The following TMED8 variants were observed in gnomAD, a reference collection of about 807,000 sequenced individuals.
TMED8 encodes the protein transmembrane p24 trafficking protein family member 8.
TMED8 carries 15 observed loss-of-function variants against 32.7 expected under a neutral mutation model. The ratio of observed to expected loss-of-function variants is 0.46; its 90% CI spans 0.31 to 0.71. TMED8 has a LOEUF of 0.71. Among genes scored for constraint, TMED8 ranks in the 30% least tolerant of loss-of-function variants. The pLI is 0.06. For synonymous variants in TMED8, 147 were observed against 161.4 expected (o/e 0.91, Z 0.68); for missense variants, 390 against 423.9 (o/e 0.92, Z 0.70).
rs563432210 is a variant in TMED8 at position 77,339,746 on chromosome 14, T to C, written c.*2025A>G. ...ATATAAATGTTGGCCAGTGTAATCCTCTACAAAACACATTTGCAAATATAA... is the reference window on the plus strand; with the variant it reads ...ATATAAATGTTGGCCAGTGTAATCCCCTACAAAACACATTTGCAAATATAA... On this transcript the variant is annotated 3_prime_UTR_variant, in exon 6 of 6. Transcript: ENST00000216468. The C allele has an allele frequency of 6.6e-5, 10 of 152,218 alleles. No homozygotes were observed. Among genetic ancestry groups the C allele is most frequent in the Non-Finnish European group, 1.3e-4 (9 of 68,046 alleles). 9.4% of individuals were successfully genotyped at this position (152,218 alleles called of 1,614,324 possible).
intron 1 of TMED8, among the ~76,000 whole-genome samples, chr14:77,373,001 T>C (rs1263575426): frequency 5.0e-5 from 6 of 120,846 alleles, no homozygotes. Flanking sequence ...CGTCTCCCTC[T>C]GTCGCCCAGG....
chr14:77,366,580 C>A (rs1192164160), intron 1 of TMED8, among the ~76,000 whole-genome samples: 1 of 152,144 alleles, frequency 6.6e-6, no homozygotes, highest in Non-Finnish European at 1.5e-5. Flanking sequence ...AGAACTCTGA[C>A]AAAAATTCCT....
chr14:77,360,254 G>A (rs1893401725), intron 1 of TMED8, among the ~76,000 whole-genome samples: 2 of 151,982 alleles, frequency 1.3e-5, no homozygotes, highest in South Asian at 4.1e-4. Flanking sequence ...ATTAACCATA[G>A]TTCTCATATT....
At chr14:77,373,276 AAT>A (rs971194148) in intron 1 of TMED8, among the ~76,000 whole-genome samples, 5 of 151,538 alleles carry the variant, frequency 3.3e-5, no homozygotes, top group African/African-American at 1.2e-4. Context: ...TCAGGATCAC[AAT>A]AGAGTTTTAT....
intron 1 of TMED8, among the ~76,000 whole-genome samples, chr14:77,370,246 A>G (rs1893647540): frequency 1.3e-5 from 2 of 152,098 alleles, no homozygotes; most frequent in African/African-American, 4.8e-5. Flanking sequence ...TACTATGTCT[A>G]TCCCCCTTTG....
rs146656597 is a variant in TMED8, at chr14:77,361,277, C to A, written c.119-9526G>T. Among the ~76,000 whole-genome samples the A allele has an allele frequency of 2.0e-5, 3 of 152,234 alleles. No individual in the cohort carries two copies. The East Asian group carries it at 5.8e-4, about 29-fold the overall frequency. ...GATTACAGGCATGAGCCACCACGCC[C>A]GGCCCATTTCCATTCTTTTGCATGT... On this transcript the variant is annotated intron_variant, in intron 1 of 5. Transcript: ENST00000216468.
intron 1 of TMED8, among the ~76,000 whole-genome samples, chr14:77,367,941 T>C (rs1415556751): frequency 6.6e-6 from 1 of 152,182 alleles, no homozygotes; most frequent in Non-Finnish European, 1.5e-5. Context: ...TGATCCGCCT[T>C]CCTCAGCCTC....
chr14:77,356,270 AG>A (rs1893290859), intron 1 of TMED8, among the ~76,000 whole-genome samples: 1 of 152,260 alleles, frequency 6.6e-6, no homozygotes, highest in Non-Finnish European at 1.5e-5. Flanking sequence ...GTGAATTATT[AG>A]TACTTTAGAA....
rs1892809954 is a variant in TMED8, at chr14:77,338,177, A to G, written c.*3594T>C. ...TTGTGGCAATAAAATACCAAATCCC[A>G]ACCTGACTCTGGTATAGCATCACAT... On this transcript the variant is annotated 3_prime_UTR_variant, in exon 6 of 6. Coordinates refer to ENST00000216468, the MANE Select transcript of TMED8 (RefSeq NM_213601.3). 1 of 152,154 alleles carries G rather than the reference A, an allele frequency of 6.6e-6. No homozygotes were observed. The highest frequency in any genetic ancestry group is 1.5e-5 in the Non-Finnish European group (1 of 68,032). 9.4% of individuals were successfully genotyped at this position (152,154 alleles called of 1,614,324 possible).
chr14:77,341,801 A>G lies in TMED8; in HGVS notation c.948T>C (p.Thr316=). ...TGGTGTAGTAGATGTGGAAGTAGAG[A>G]GTCTTGTTGCGCAGCAGGGAGTAGG... The part of the protein sequence containing the change: ...DNSYSLLRNK[T]LYFHIYYTS The change falls in exon 6 of 6, where the codon ACT becomes ACC. Residue 316 remains threonine (T), a synonymous_variant. Coordinates refer to ENST00000216468, the MANE Select transcript of TMED8 (RefSeq NM_213601.3). 6.2e-7 allele frequency: 1 copy of G among 1,613,918 alleles called. No individual in the cohort carries two copies. Among genetic ancestry groups the G allele is most frequent in the Non-Finnish European group, 8.5e-7 (1 of 1,180,000 alleles).
At chr14:77,348,663 A>G in intron 2 of TMED8, among the ~76,000 whole-genome samples, 1 of 152,218 alleles carries the variant, frequency 6.6e-6, no homozygotes, top group Non-Finnish European at 1.5e-5. Context: ...GGTTGAGTAA[A>G]TGACTGGAAA....
Position 77,336,451 on chromosome 14 carries a change from T to C in TMED8, c.*5320A>G, listed in dbSNP as rs1892761732. 6.6e-6 allele frequency: 1 copy of C among 152,186 alleles called. No individual in the cohort carries two copies. Among genetic ancestry groups the C allele is most frequent in the African/African-American group, 2.4e-5 (1 of 41,454 alleles). 9.4% of individuals were successfully genotyped at this position (152,186 alleles called of 1,614,324 possible). A position where few individuals can be genotyped will look rare whatever the true frequency, so the allele number is the denominator to read the frequency against. On this transcript the variant is annotated 3_prime_UTR_variant, in exon 6 of 6. Coordinates refer to ENST00000216468, the MANE Select transcript of TMED8 (RefSeq NM_213601.3). ...ATGCCTATTTGTAAATGAGCTCCAC[T>C]ATCATTGGTTTTAGGCAATAGTGTT...
intron 1 of TMED8, among the ~76,000 whole-genome samples, chr14:77,357,043 G>A (rs1893305555): frequency 6.6e-6 from 1 of 152,060 alleles, no homozygotes; most frequent in Non-Finnish European, 1.5e-5. Context: ...TTAAAATTCG[G>A]TCCACCCATC....
chr14:77,346,759 GGTTT>G (rs1893047001), intron 2 of TMED8, among the ~76,000 whole-genome samples: 1 of 58,128 alleles, frequency 1.7e-5, no homozygotes, highest in Non-Finnish European at 3.1e-5. Flanking sequence ...CTGCTGGTCT[GGTTT>G]TTTTTTTTTT....
chr14:77,345,965 T>A lies in TMED8; in HGVS notation c.327+384A>T, dbSNP rs570830826. On this transcript the variant is annotated intron_variant, in intron 3 of 5. Transcript: ENST00000216468. ...GCCTGGGCGACAGAGGGAGACCCTG[T>A]CTCAAAAAAAAAAAAAAAAAAAAGC... Among the ~76,000 whole-genome samples the A allele has an allele frequency of 2.1e-3, 219 of 106,404 alleles. 2 individuals are homozygous for A. Among genetic ancestry groups the A allele is most frequent in the Non-Finnish European group, 3.2e-3 (171 of 53,460 alleles). 69.8% of individuals were successfully genotyped at this position (106,404 alleles called of 152,430 possible).
intron 5 of TMED8, among the ~76,000 whole-genome samples, chr14:77,342,704 C>A (rs1428579719): frequency 6.6e-6 from 1 of 152,170 alleles, no homozygotes; most frequent in Non-Finnish European, 1.5e-5. Flanking sequence ...TAAAACTTGT[C>A]TGGGCATGAA....
chr14:77,356,014 T>A (rs1476646780), intron 1 of TMED8, among the ~76,000 whole-genome samples: 3 of 151,980 alleles, frequency 2.0e-5, no homozygotes, highest in African/African-American at 4.8e-5. Flanking sequence ...TGCATTCAAG[T>A]AAAGGGAAAG....
chr14:77,371,314 C>G (rs750942628), intron 1 of TMED8, among the ~76,000 whole-genome samples: 2 of 152,170 alleles, frequency 1.3e-5, no homozygotes, highest in Non-Finnish European at 2.9e-5. Context: ...GCACACCGAC[C>G]AACAAAGTGA....
intron 1 of TMED8, among the ~76,000 whole-genome samples, chr14:77,373,408 A>C (rs188891487): frequency 1.0e-3 from 153 of 152,252 alleles, no homozygotes; most frequent in African/African-American, 3.5e-3. Context: ...TCCTCTGGGG[A>C]ACTGAAGAAC....
Sources: gnomAD v4.1 joint callset for allele counts (sites outside exome capture counted in the v4.1 genomes callset) on GRCh38, gnomAD v4.1.1 for gene constraint, MANE v1.5 for transcripts, NCBI Gene and HGNC (gene_info 2026-07-23, HGNC 2026-07-21) for gene names.